The following CAP2 variants were observed in gnomAD, a reference collection of about 807,000 sequenced individuals.
CAP2 encodes cyclase associated actin cytoskeleton regulatory protein 2.
CAP2 carries 24 observed loss-of-function variants against 57.7 expected under a neutral mutation model. That is an observed-to-expected ratio of 0.42 (90% CI 0.30 to 0.58). The LOEUF is 0.58. CAP2 is among the 20% of genes least tolerant of loss of function. The probability of loss-of-function intolerance (pLI) is 0.22; values close to 1 mark genes in which losing one functional copy is unlikely to be tolerated. For synonymous variants in CAP2, 194 were observed against 207.2 expected (o/e 0.94, Z 0.55); for missense variants, 501 against 590.3 (o/e 0.85, Z 1.57).
chr6:17,557,156 TA>T lies in CAP2; in HGVS notation c.*717del, dbSNP rs1437244755. ...TAAGAGATTCTTATGCCAAAAACAT[TA>T]AACAGAAGAAATCATTTTTTTTGCT... On this transcript the variant is annotated 3_prime_UTR_variant, in exon 13 of 13. Coordinates refer to ENST00000229922, the MANE Select transcript of CAP2 (RefSeq NM_006366.3). 1 of 118,758 alleles carries T rather than the reference TA, an allele frequency of 8.4e-6. No individual in the cohort carries two copies. The allele number at this position is 118,758 out of a possible 1,614,324, so 7.4% of individuals were successfully genotyped here. A position where few individuals can be genotyped will look rare whatever the true frequency, so the allele number is the denominator to read the frequency against.
chr6:17,550,822 G>A (rs562915670), intron 11 of CAP2, among the ~76,000 whole-genome samples: 3 of 152,202 alleles, frequency 2.0e-5, no homozygotes, highest in Non-Finnish European at 4.4e-5. Context: ...TATATAATGA[G>A]TGTCCTGAGC....
At chr6:17,504,943 CTGTT>C (rs1425702587) in intron 4 of CAP2, among the ~76,000 whole-genome samples, 16 of 152,158 alleles carry the variant, frequency 1.1e-4, no homozygotes, top group Non-Finnish European at 1.6e-4. Flanking sequence ...ATATAGATGT[CTGTT>C]TGGAGCTTCT....
intron 7 of CAP2, among the ~76,000 whole-genome samples, chr6:17,519,421 A>G (rs552161893): frequency 8.5e-5 from 13 of 152,298 alleles, no homozygotes; most frequent in Admixed American, 3.3e-4. Context: ...TACATTTACC[A>G]TGGTAAATGG....
At chr6:17,510,589 C>T (rs370555192) in intron 6 of CAP2, among the ~76,000 whole-genome samples, 3 of 152,142 alleles carry the variant, frequency 2.0e-5, no homozygotes, top group Non-Finnish European at 2.9e-5. Context: ...CAAATGTTGC[C>T]GTGTTGTATT....
chr6:17,421,408 T>A, intron 1 of CAP2, 147 bp from the exon 2 acceptor site: 2 of 811,040 alleles, frequency 2.5e-6, no homozygotes, highest in South Asian at 3.4e-5. Context: ...GCAACAATAA[T>A]ACATACAATT....
intron 3 of CAP2, among the ~76,000 whole-genome samples, chr6:17,445,430 G>A (rs1387274002): frequency 6.6e-6 from 1 of 152,208 alleles, no homozygotes; most frequent in Non-Finnish European, 1.5e-5. Flanking sequence ...TAAACTGAAG[G>A]TCAGGTTAAG....
chr6:17,535,793 C>G (rs1431555477), intron 7 of CAP2, among the ~76,000 whole-genome samples: 1 of 152,104 alleles, frequency 6.6e-6, no homozygotes, highest in African/African-American at 2.4e-5. Flanking sequence ...AATTTCAACA[C>G]ATAGGAAAGA....
rs776929367 is a variant in CAP2 at position 17,482,165 on chromosome 6, A to G, written c.300+19092A>G. Among the ~76,000 whole-genome samples, 61 of 152,288 alleles carry G rather than the reference A, an allele frequency of 4.0e-4. 1 individual carries two copies. The Middle Eastern group carries it at 0.014, about 34-fold the overall frequency. The stretch of plus-strand genomic sequence containing the variant: ...TGTATTCGTCAGCTAGGGCTGCTGG[A>G]ACAAAATAACACAAAGTTAGTGGCT... On this transcript the variant is annotated intron_variant, in intron 4 of 12. Transcript: ENST00000229922.
intron 4 of CAP2, among the ~76,000 whole-genome samples, chr6:17,496,029 G>GCC: frequency 7.9e-6 from 1 of 125,840 alleles, no homozygotes; most frequent in South Asian, 3.0e-4. Flanking sequence ...TGTGTGGGTG[G>GCC]GGGGGGGGGG....
At chr6:17,521,069 T>C (rs1281327359) in intron 7 of CAP2, among the ~76,000 whole-genome samples, 2 of 152,144 alleles carry the variant, frequency 1.3e-5, no homozygotes, top group Non-Finnish European at 2.9e-5. Context: ...GGGTGGCCAG[T>C]TACTCTTATT....
intron 4 of CAP2, among the ~76,000 whole-genome samples, chr6:17,476,285 AGT>A (rs1178125879): frequency 6.6e-6 from 1 of 152,238 alleles, no homozygotes; most frequent in Non-Finnish European, 1.5e-5. Flanking sequence ...CTCATAAAAA[AGT>A]CTATATCATA....
chr6:17,449,274 T>C lies in CAP2; in HGVS notation c.223-13722T>C, dbSNP rs551405210. ...GGGCTCCTTGCTAGCTCTACCCTGG[T>C]CCTATCCCTGCAAGGATGGTTATCT... On this transcript the variant is annotated intron_variant, in intron 3 of 12. Transcript: ENST00000229922. Among the ~76,000 whole-genome samples the C allele has an allele frequency of 2.6e-5, 4 of 152,314 alleles. No individual in the cohort carries two copies. In the East Asian group the frequency reaches 5.8e-4, roughly 22 times the overall value.
chr6:17,539,548 A>C, intron 8 of CAP2, 90 bp downstream of exon 8: 2 of 932,764 alleles, frequency 2.1e-6, no homozygotes, highest in Non-Finnish European at 3.2e-6. Flanking sequence ...TGATGGATAC[A>C]TCACTCCATC....
intron 4 of CAP2, among the ~76,000 whole-genome samples, chr6:17,500,998 A>G (rs1198783263): frequency 6.6e-6 from 1 of 152,246 alleles, no homozygotes; most frequent in East Asian, 1.9e-4. Context: ...TTTTAAATGT[A>G]GGTGGAACCC....
chr6:17,471,234 T>C (rs570286783), intron 4 of CAP2, among the ~76,000 whole-genome samples: 1 of 152,332 alleles, frequency 6.6e-6, no homozygotes, highest in East Asian at 1.9e-4. Context: ...ATAGCATTGC[T>C]CAATCAGAAT....
At chr6:17,422,443 A>G (rs1158198469) in intron 2 of CAP2, among the ~76,000 whole-genome samples, 1 of 142,556 alleles carries the variant, frequency 7.0e-6, no homozygotes, top group African/African-American at 2.6e-5. Flanking sequence ...TCTGCTTCCC[A>G]GATTCAAGCG....
chr6:17,421,724 C>A (rs1178098736), intron 2 of CAP2, 48 bp downstream of exon 2: 1 of 1,606,598 alleles, frequency 6.2e-7, no homozygotes, highest in African/African-American at 1.3e-5. Context: ...TGGGTTACTT[C>A]ATTTTGTTTC....
At chr6:17,431,712 T>C (rs1020432432) in intron 3 of CAP2, among the ~76,000 whole-genome samples, 3 of 152,188 alleles carry the variant, frequency 2.0e-5, no homozygotes, top group Non-Finnish European at 4.4e-5. Context: ...GTGGCCCTGC[T>C]TTTGACAGCA....
At chr6:17,544,851 A>G (rs745819336) in intron 11 of CAP2, among the ~76,000 whole-genome samples, 1 of 152,148 alleles carries the variant, frequency 6.6e-6, no homozygotes, top group South Asian at 2.1e-4. Context: ...CACAGCACCC[A>G]GCCCCAGTTT....
Sources: allele counts gnomAD v4.1 joint callset (sites outside exome capture counted in the v4.1 genomes callset), GRCh38; gene constraint gnomAD v4.1.1; transcripts MANE v1.5; gene names NCBI Gene and HGNC (gene_info 2026-07-23, HGNC 2026-07-21).